The following STRA8 variants were observed in gnomAD, a reference collection of about 807,000 sequenced individuals.
The protein encoded by STRA8 is stimulated by retinoic acid 8.
Under a neutral mutation model 37.1 loss-of-function variants are expected in STRA8, and 18 were observed. The observed-to-expected ratio is 0.48, with a 90% CI of 0.34 to 0.72. The LOEUF is 0.72. STRA8 is among the 30% of genes least tolerant of loss of function. The pLI is 0.01. For synonymous variants in STRA8, 168 were observed against 162.9 expected (o/e 1.03, Z -0.24); for missense variants, 357 against 410.4 (o/e 0.87, Z 1.13).
chr7:135,243,002 T>C, intron 3 of STRA8, 146 bp downstream of exon 3: 1 of 893,536 alleles, frequency 1.1e-6, no homozygotes, highest in South Asian at 1.6e-5. Context: ...CTTGGGCCAA[T>C]GTTGAGGGTC....
chr7:135,243,229 G>A (rs906642097), intron 3 of STRA8, 97 bp from the exon 4 acceptor site: 1 of 1,286,298 alleles, frequency 7.8e-7, no homozygotes, highest in East Asian at 2.4e-5. Flanking sequence ...GAGGGTTCAG[G>A]GTCCCACCCA....
At chr7:135,234,191 C>T (rs1457169898) in intron 1 of STRA8, among the ~76,000 whole-genome samples, 1 of 152,106 alleles carries the variant, frequency 6.6e-6, no homozygotes, top group Non-Finnish European at 1.5e-5. Context: ...ACTGCAACCT[C>T]CGCCTCCCGG....
intron 1 of STRA8, among the ~76,000 whole-genome samples, chr7:135,234,808 T>A (rs1832346635): frequency 6.6e-6 from 1 of 152,228 alleles, no homozygotes; most frequent in Non-Finnish European, 1.5e-5. Context: ...TTTGTTAGAC[T>A]GAAAGGTTAT....
intron 7 of STRA8, among the ~76,000 whole-genome samples, chr7:135,254,123 T>C (rs1450786246): frequency 6.6e-6 from 1 of 152,036 alleles, no homozygotes; most frequent in Non-Finnish European, 1.5e-5. Flanking sequence ...CAGCTGTGAG[T>C]GGAGTTTCAT....
At position 135,255,146 on chromosome 7, in the gene STRA8, C is replaced by T. The variant is rs2129480059; in HGVS notation, c.986C>T (p.Pro329Leu). The change falls in exon 8 of 9, where the codon CCA becomes CTA. Residue 329 changes from proline (P) to leucine (L), a missense_variant. Coordinates refer to ENST00000662584, the MANE Select transcript of STRA8 (RefSeq NM_001394401.1). ...CTTGCCAGCTGCAACCCAGAAAACC[C>T]AGAGGAGAAGTTTCAGCTCTATATG... ...SVLASCNPENPEEKFQLYMQI... is the reference protein window; with the variant it reads ...SVLASCNPENLEEKFQLYMQI... 6.2e-7 allele frequency: 1 copy of T among 1,614,040 alleles called. No individual in the cohort carries two copies. The highest frequency in any genetic ancestry group is 2.2e-5 in the East Asian group (1 of 44,882).
Position 135,255,168 on chromosome 7 carries a change from T to C in STRA8, c.1008T>C (p.Tyr336=). 1 of 1,614,124 alleles carries C rather than the reference T, an allele frequency of 6.2e-7. No individual in the cohort carries two copies. The highest frequency in any genetic ancestry group is 1.3e-5 in the African/African-American group (1 of 75,062). The part of the protein sequence containing the change: ...PENPEEKFQL[Y]MQIINFFKGL... Reference sequence around the variant, plus strand: ...ACCCAGAGGAGAAGTTTCAGCTCTATATGCAGATCATCAACTTTTTTAAAG... The same window carrying C: ...ACCCAGAGGAGAAGTTTCAGCTCTACATGCAGATCATCAACTTTTTTAAAG... Residue 336 remains tyrosine, a synonymous_variant, in exon 8 of 9, where the codon TAT becomes TAC. Coordinates refer to ENST00000662584, the MANE Select transcript of STRA8 (RefSeq NM_001394401.1).
intron 1 of STRA8, among the ~76,000 whole-genome samples, chr7:135,240,250 A>G (rs2117791360): frequency 6.6e-6 from 1 of 152,294 alleles, no homozygotes; most frequent in Middle Eastern, 3.4e-3. Context: ...TTGAATTTCA[A>G]AAACAGAATT....
intron 4 of STRA8, 100 bp downstream of exon 4, chr7:135,243,510 A>G (rs1832498955): frequency 9.6e-7 from 1 of 1,041,652 alleles, no homozygotes; most frequent in African/African-American, 1.6e-5. Flanking sequence ...AGCCTGCAGG[A>G]CCATCAGGGC....
chr7:135,253,851 A>G (rs1470497790), intron 7 of STRA8, among the ~76,000 whole-genome samples: 1 of 152,182 alleles, frequency 6.6e-6, no homozygotes, highest in Non-Finnish European at 1.5e-5. Flanking sequence ...TGAGAGGGAC[A>G]TATCCTTGTG....
Position 135,240,711 on chromosome 7 carries a change from T to C in STRA8, c.187T>C (p.Ser63Pro). 1 of 1,613,792 alleles carries C rather than the reference T, an allele frequency of 6.2e-7. No homozygotes were observed. The highest frequency in any genetic ancestry group is 8.5e-7 in the Non-Finnish European group (1 of 1,179,922). Residue 63 changes from serine (S) to proline (P), a missense_variant, in exon 2 of 9, where the codon TCA becomes CCA. Physicochemically the swap from Ser to Pro is moderately conservative, Grantham distance 74. Transcript: ENST00000662584. ...TVYSQSDLIA[S>P]KWQVLNKAKS... Reference sequence around the variant, plus strand: ...GTACTCTCAGTCTGATCTCATAGCCTCAAAGGTATGGGGACCTGGAGGAGG... The same window carrying C: ...GTACTCTCAGTCTGATCTCATAGCCCCAAAGGTATGGGGACCTGGAGGAGG...
At chr7:135,243,782 T>TG (rs1439597050) in intron 4 of STRA8, among the ~76,000 whole-genome samples, 1 of 152,248 alleles carries the variant, frequency 6.6e-6, no homozygotes, top group Non-Finnish European at 1.5e-5. Flanking sequence ...TTACATTATA[T>TG]TATAGCTTTT....
intron 4 of STRA8, 47 bp from the exon 5 acceptor site, chr7:135,245,241 T>G: frequency 3.8e-6 from 3 of 780,352 alleles, no homozygotes. Context: ...TCCATGTTCA[T>G]GAGGGATATT....
intron 6 of STRA8, among the ~76,000 whole-genome samples, chr7:135,249,761 C>G (rs1233361440): frequency 1.3e-5 from 2 of 152,214 alleles, no homozygotes; most frequent in Non-Finnish European, 2.9e-5. Flanking sequence ...TTTGACTGTG[C>G]CAGCACGAAC....
chr7:135,250,505 A>G (rs928082947), intron 6 of STRA8, among the ~76,000 whole-genome samples: 11 of 152,122 alleles, frequency 7.2e-5, no homozygotes, highest in African/African-American at 2.4e-4. Context: ...AAACTAAGAG[A>G]GGGGCCAGAG....
chr7:135,258,297 G>A (rs567009561), intron 8 of STRA8, 121 bp from the exon 9 acceptor site: 192 of 710,906 alleles, frequency 2.7e-4, no homozygotes, highest in South Asian at 1.4e-3. Context: ...AAAATGCAGC[G>A]GAAGAGACGT....
At chr7:135,243,523 C>T (rs1299463105) in intron 4 of STRA8, 113 bp downstream of exon 4, 8 of 863,092 alleles carry the variant, frequency 9.3e-6, no homozygotes, top group Non-Finnish European at 1.4e-5. Flanking sequence ...ATCAGGGCTG[C>T]TGCTCACCAT....
At position 135,245,441 on chromosome 7, in the gene STRA8, A is replaced by AGAGGAAGAGGAGGAG; in HGVS notation, c.520_534dup (p.Glu174_Glu178dup). 3 of 749,878 alleles carry AGAGGAAGAGGAGGAG rather than the reference A, an allele frequency of 4.0e-6. No homozygotes were observed. Among genetic ancestry groups the AGAGGAAGAGGAGGAG allele is most frequent in the South Asian group, 2.8e-5 (2 of 72,064 alleles). The allele number at this position is 749,878 out of a possible 1,614,324, so 46.5% of individuals were successfully genotyped here. On this transcript the variant is annotated inframe_insertion, in exon 5 of 9. Coordinates refer to ENST00000662584, the MANE Select transcript of STRA8 (RefSeq NM_001394401.1). ...AAGAGGAGGAGGAGGAAGAGGAGGA[A>AGAGGAAGAGGAGGAG]GAGGAAGAGGAGGAGGAGGAAGAGG...
upstream of STRA8, among the ~76,000 whole-genome samples, chr7:135,232,623 C>T (rs531194474): frequency 5.3e-5 from 8 of 150,362 alleles, no homozygotes; most frequent in African/African-American, 1.5e-4. Context: ...GAACCTGTCT[C>T]AGGAAAAAAA....
Position 135,246,739 on chromosome 7 carries a change from G to C in STRA8, c.879+37G>C. 6.7e-7 allele frequency: 1 copy of C among 1,487,918 alleles called. No individual in the cohort carries two copies. The highest frequency in any genetic ancestry group is 8.9e-7 in the Non-Finnish European group (1 of 1,127,452). The allele number at this position is 1,487,918 out of a possible 1,614,324, so 92.2% of individuals were successfully genotyped here. ...CACCGGGGTGGCGTGGATGGGGCAC[G>C]GGAACCACCCTCGCCCTCGCCTGGG... On this transcript the variant is annotated intron_variant, in intron 6 of 8. Coordinates refer to ENST00000662584, the MANE Select transcript of STRA8 (RefSeq NM_001394401.1). The surrounding 1 kb of genome is among the most constrained non-coding windows in gnomAD (Gnocchi z 5.4).
Sources: allele counts gnomAD v4.1 joint callset (sites outside exome capture counted in the v4.1 genomes callset), GRCh38; gene constraint gnomAD v4.1.1; non-coding constraint Gnocchi (gnomAD v3.1); transcripts MANE v1.5; gene names NCBI Gene and HGNC (gene_info 2026-07-23, HGNC 2026-07-21).